The following FGGY variants were observed in gnomAD, a reference collection of about 807,000 sequenced individuals.
The protein encoded by FGGY is FGGY carbohydrate kinase domain-containing protein.
In FGGY, 72 loss-of-function variants were observed where a neutral mutation model predicts 71.3. That is an observed-to-expected ratio of 1.01 (90% CI 0.84 to 1.23). The LOEUF (loss-of-function observed/expected upper bound fraction) is 1.23. Ranked by LOEUF, FGGY falls within the 50% of genes most tolerant of loss-of-function variation. The probability of loss-of-function intolerance (pLI) is 0.00; values close to 1 mark genes in which losing one functional copy is unlikely to be tolerated. For synonymous variants in FGGY, 251 were observed against 250.3 expected (o/e 1.00, Z -0.02); for missense variants, 668 against 682.3 (o/e 0.98, Z 0.23).
chr1:59,636,100 G>A (rs1474205355), intron 10 of FGGY, among the ~76,000 whole-genome samples: 1 of 152,162 alleles, frequency 6.6e-6, no homozygotes. Context: ...ATCTAAGGAA[G>A]AAGATTTTTG....
chr1:59,694,103 C>T (rs1027430361), intron 14 of FGGY, among the ~76,000 whole-genome samples: 4 of 151,414 alleles, frequency 2.6e-5, no homozygotes, highest in Non-Finnish European at 5.9e-5. Flanking sequence ...AGATCGAGAC[C>T]ACGGTGAAAT....
chr1:59,720,332 A>G (rs979460032), intron 14 of FGGY, among the ~76,000 whole-genome samples: 5 of 152,058 alleles, frequency 3.3e-5, no homozygotes, highest in Admixed American at 3.3e-4. Flanking sequence ...TGTCAGGGGG[A>G]AAAAAAGGTC....
chr1:59,627,489 T>TATATATATACAC (rs1469493501), intron 10 of FGGY, among the ~76,000 whole-genome samples: 130 of 92,726 alleles, frequency 1.4e-3, no homozygotes, highest in Middle Eastern at 6.6e-3. Flanking sequence ...TATATATATA[T>TATATATATACAC]ACACACACAC....
At chr1:59,575,672 C>G (rs1437632303) in intron 8 of FGGY, among the ~76,000 whole-genome samples, 1 of 152,170 alleles carries the variant, frequency 6.6e-6, no homozygotes, top group East Asian at 1.9e-4. Flanking sequence ...AAACTCCATA[C>G]TGTTTTACAA....
rs571928307 is a variant in FGGY at position 59,612,164 on chromosome 1, C to T, written c.1011+4254C>T. On this transcript the variant is annotated intron_variant, in intron 9 of 15. Transcript: ENST00000303721. ...CAGAGAATGCCACAAAGATACTCCT[C>T]GAGAAGAGCAACTCCAAGACACATA... Among the ~76,000 whole-genome samples, 20 of 152,194 alleles carry T rather than the reference C, an allele frequency of 1.3e-4. No homozygotes were observed. In the East Asian group the frequency reaches 1.7e-3, roughly 13 times the overall value.
chr1:59,568,285 C>T (rs2095911046), intron 8 of FGGY, among the ~76,000 whole-genome samples: 1 of 152,144 alleles, frequency 6.6e-6, no homozygotes, highest in African/African-American at 2.4e-5. Context: ...CCTGTACTTG[C>T]TTTTCTTGAA....
chr1:59,439,842 T>A (rs1466318925), intron 5 of FGGY, among the ~76,000 whole-genome samples: 2 of 152,104 alleles, frequency 1.3e-5, no homozygotes, highest in African/African-American at 2.4e-5. Flanking sequence ...CAACTTACGG[T>A]TTTTTGCCTA....
chr1:59,557,692 C>T (rs2095712239), intron 8 of FGGY, among the ~76,000 whole-genome samples: 1 of 152,160 alleles, frequency 6.6e-6, no homozygotes. Context: ...ACCAAAACCC[C>T]AGATAATACA....
At chr1:59,304,996 T>C (rs575337227) in intron 1 of FGGY, among the ~76,000 whole-genome samples, 1 of 152,294 alleles carries the variant, frequency 6.6e-6, no homozygotes, top group South Asian at 2.1e-4. Context: ...TAATATCATG[T>C]CATCTGTAAA....
intron 10 of FGGY, among the ~76,000 whole-genome samples, chr1:59,636,572 G>A (rs1243991043): frequency 1.3e-5 from 2 of 152,116 alleles, no homozygotes; most frequent in Non-Finnish European, 2.9e-5. Context: ...GCAGTGAGCC[G>A]AGATCGCGTC....
At chr1:59,532,958 C>T (rs770977066) in intron 7 of FGGY, among the ~76,000 whole-genome samples, 2 of 152,178 alleles carry the variant, frequency 1.3e-5, no homozygotes, top group South Asian at 4.1e-4. Context: ...TTTTATTTCT[C>T]TAATCCAGAG....
chr1:59,585,585 A>C (rs1036635274), intron 8 of FGGY, among the ~76,000 whole-genome samples: 5 of 152,222 alleles, frequency 3.3e-5, no homozygotes, highest in African/African-American at 4.8e-5. Context: ...AAACCTAGGC[A>C]TCACCATTCA....
chr1:59,495,133 T>C (rs1214838885), intron 6 of FGGY, among the ~76,000 whole-genome samples: 1 of 152,192 alleles, frequency 6.6e-6, no homozygotes, highest in Non-Finnish European at 1.5e-5. Context: ...TGGTTGTATG[T>C]CTTCTTTTGA....
At chr1:59,322,503 C>T (rs1047189955) in intron 2 of FGGY, among the ~76,000 whole-genome samples, 5 of 152,000 alleles carry the variant, frequency 3.3e-5, no homozygotes, top group East Asian at 1.9e-4. Context: ...CCTTTGCCTC[C>T]GAGGTGCACT....
At chr1:59,606,150 A>G (rs1214219430) in intron 8 of FGGY, among the ~76,000 whole-genome samples, 1 of 152,044 alleles carries the variant, frequency 6.6e-6, no homozygotes, top group Non-Finnish European at 1.5e-5. Flanking sequence ...TAATAATAAT[A>G]ATAAAATAAA....
intron 5 of FGGY, among the ~76,000 whole-genome samples, chr1:59,440,764 C>G (rs1250356029): frequency 6.6e-6 from 1 of 150,716 alleles, no homozygotes; most frequent in Non-Finnish European, 1.5e-5. Flanking sequence ...GGGCGAATAA[C>G]ACACCTTTGG....
intron 2 of FGGY, among the ~76,000 whole-genome samples, chr1:59,333,069 G>C (rs890844375): frequency 3.9e-5 from 6 of 152,240 alleles, no homozygotes; most frequent in African/African-American, 1.4e-4. Flanking sequence ...TGGAGTTAGT[G>C]CAGGATTACC....
At chr1:59,549,912 A>G (rs1209482274) in intron 7 of FGGY, among the ~76,000 whole-genome samples, 1 of 152,214 alleles carries the variant, frequency 6.6e-6, no homozygotes, top group Non-Finnish European at 1.5e-5. Flanking sequence ...TCCTTTTTTA[A>G]CATTCTTTTT....
At chr1:59,391,732 A>G (rs1252000358) in intron 5 of FGGY, among the ~76,000 whole-genome samples, 1 of 152,200 alleles carries the variant, frequency 6.6e-6, no homozygotes, top group Non-Finnish European at 1.5e-5. Flanking sequence ...TATGTGGCTG[A>G]AAGATGATCT....
Sources: gnomAD v4.1 joint callset for allele counts (sites outside exome capture counted in the v4.1 genomes callset) on GRCh38, gnomAD v4.1.1 for gene constraint, MANE v1.5 for transcripts, NCBI Gene and HGNC (gene_info 2026-07-23, HGNC 2026-07-21) for gene names.